The following CNIH3 variants were observed in gnomAD, a reference collection of about 807,000 sequenced individuals.
CNIH3 encodes protein cornichon homolog 3.
In CNIH3, 14 loss-of-function variants were observed where a neutral mutation model predicts 24.1. The observed-to-expected ratio is 0.58, with a 90% CI of 0.38 to 0.91. CNIH3 has a LOEUF of 0.91. Ranked by LOEUF, CNIH3 falls within the 40% of genes least tolerant of loss-of-function variation. CNIH3 has a pLI of 0.00. For missense variants in CNIH3, 178 were observed against 196.8 expected (o/e 0.90, Z 0.57); for synonymous variants, 68 against 73.8 (o/e 0.92, Z 0.40).
intron 1 of CNIH3, among the ~76,000 whole-genome samples, chr1:224,435,425 G>A (rs372276898): frequency 6.6e-6 from 1 of 152,228 alleles, no homozygotes; most frequent in East Asian, 1.9e-4. Context: ...GGGAAGGGGA[G>A]TTAGTCTAGA....
intron 1 of CNIH3, among the ~76,000 whole-genome samples, chr1:224,510,491 G>A (rs960298155): frequency 3.3e-5 from 5 of 151,516 alleles, no homozygotes; most frequent in Non-Finnish European, 5.9e-5. Flanking sequence ...TTGGGAAGCT[G>A]AGAGCTGAGG....
intron 1 of CNIH3, among the ~76,000 whole-genome samples, chr1:224,673,759 C>G (rs953537451): frequency 1.3e-5 from 2 of 152,124 alleles, no homozygotes; most frequent in African/African-American, 4.8e-5. Context: ...CACTCCTGTC[C>G]TAGAGAACCA....
At chr1:224,503,845 C>T (rs1261811162) in intron 1 of CNIH3, among the ~76,000 whole-genome samples, 4 of 152,334 alleles carry the variant, frequency 2.6e-5, no homozygotes, top group African/African-American at 9.6e-5. Context: ...GGCTCGGGCA[C>T]GCTGTGCTGT....
At chr1:224,669,713 C>T (rs984948379) in intron 1 of CNIH3, among the ~76,000 whole-genome samples, 1 of 152,202 alleles carries the variant, frequency 6.6e-6, no homozygotes, top group Admixed American at 6.5e-5. Flanking sequence ...ACGTGCTAGG[C>T]ATTGTGCCCG....
intron 1 of CNIH3, among the ~76,000 whole-genome samples, chr1:224,451,785 A>G (rs1424536276): frequency 1.3e-5 from 2 of 152,166 alleles, no homozygotes; most frequent in African/African-American, 4.8e-5. Context: ...CCCCAGTCAG[A>G]TTGCTTCTGG....
At chr1:224,435,353 C>G (rs935365620) in intron 1 of CNIH3, among the ~76,000 whole-genome samples, 12 of 152,138 alleles carry the variant, frequency 7.9e-5, no homozygotes, top group African/African-American at 2.9e-4. Flanking sequence ...CACACAGTTG[C>G]TGTACCCGGG....
intron 3 of CNIH3, among the ~76,000 whole-genome samples, chr1:224,551,857 G>T (rs1321274576): frequency 1.3e-5 from 2 of 150,304 alleles, no homozygotes; most frequent in Non-Finnish European, 3.0e-5. Context: ...CTCCCTCTGT[G>T]TACACCCACA....
At chr1:224,468,819 T>C (rs1676248543) in intron 1 of CNIH3, among the ~76,000 whole-genome samples, 1 of 148,252 alleles carries the variant, frequency 6.7e-6, no homozygotes, top group South Asian at 2.1e-4. Context: ...AGTGAGACCC[T>C]GTCTCAAAAA....
intron 2 of CNIH3, among the ~76,000 whole-genome samples, chr1:224,525,040 G>T (rs1226463831): frequency 6.6e-6 from 1 of 152,122 alleles, no homozygotes; most frequent in African/African-American, 2.4e-5. Context: ...AGCCATTCAA[G>T]ATGAAAACAA....
At chr1:224,548,361 T>C (rs1679784307) in intron 3 of CNIH3, among the ~76,000 whole-genome samples, 1 of 151,630 alleles carries the variant, frequency 6.6e-6, no homozygotes, top group Admixed American at 6.6e-5. Context: ...CACCCTGTGA[T>C]ATGATTAGTA....
chr1:224,593,283 T>C (rs1396449158), downstream of CNIH3, among the ~76,000 whole-genome samples: 1 of 151,756 alleles, frequency 6.6e-6, no homozygotes, highest in Non-Finnish European at 1.5e-5. Context: ...GCCACCCAAA[T>C]AGCTGGGACC....
intron 1 of CNIH3, among the ~76,000 whole-genome samples, chr1:224,516,786 T>C (rs944449498): frequency 6.6e-6 from 1 of 152,216 alleles, no homozygotes; most frequent in African/African-American, 2.4e-5. Flanking sequence ...CACGTTTTCT[T>C]ACCCTCTGCC....
intron 1 of CNIH3, among the ~76,000 whole-genome samples, chr1:224,501,885 T>C (rs542242308): frequency 6.6e-6 from 1 of 152,116 alleles, no homozygotes; most frequent in South Asian, 2.1e-4. Flanking sequence ...TATACAGAAA[T>C]TTGTTTGTGA....
chr1:224,439,737 G>A (rs1674811851), intron 1 of CNIH3, among the ~76,000 whole-genome samples: 1 of 151,476 alleles, frequency 6.6e-6, no homozygotes, highest in African/African-American at 2.4e-5. Flanking sequence ...TCAGCCTCCC[G>A]AGTAGCTGGG....
chr1:224,657,409 T>TAGAGAGAG (rs142879463), intron 1 of CNIH3, among the ~76,000 whole-genome samples: 9 of 146,898 alleles, frequency 6.1e-5, no homozygotes, highest in African/African-American at 1.5e-4. Context: ...AGAAATAGGG[T>TAGAGAGAG]AGAGAGAGAG....
At chr1:224,526,046 T>C (rs1177342722) in intron 2 of CNIH3, among the ~76,000 whole-genome samples, 1 of 152,198 alleles carries the variant, frequency 6.6e-6, no homozygotes, top group Admixed American at 6.5e-5. Context: ...AGCTGGGCAC[T>C]GTGTCACATG....
intron 2 of CNIH3, among the ~76,000 whole-genome samples, chr1:224,531,670 G>T (rs942479930): frequency 2.6e-5 from 4 of 152,190 alleles, no homozygotes; most frequent in Non-Finnish European, 5.9e-5. Context: ...TTTAGCAGGG[G>T]TGTGACATGA....
intron 3 of CNIH3, among the ~76,000 whole-genome samples, chr1:224,695,394 AC>A (rs1039113118): frequency 3.1e-4 from 38 of 124,312 alleles, no homozygotes; most frequent in African/African-American, 1.1e-3. Context: ...ACACACACAC[AC>A]CCCTGTTGGT....
intron 1 of CNIH3, among the ~76,000 whole-genome samples, chr1:224,469,245 T>C (rs1676272337): frequency 1.3e-5 from 2 of 152,036 alleles, no homozygotes; most frequent in South Asian, 4.2e-4. Context: ...CATGCCCAGC[T>C]AATTTTTAAT....
Sources: allele counts gnomAD v4.1 joint callset (sites outside exome capture counted in the v4.1 genomes callset), GRCh38; gene constraint gnomAD v4.1.1; transcripts MANE v1.5; gene names NCBI Gene and HGNC (gene_info 2026-07-23, HGNC 2026-07-21).